The following DSCAML1 variants were observed in gnomAD, a reference collection of about 807,000 sequenced individuals.
DSCAML1 encodes cell adhesion molecule DSCAML1.
Under a neutral mutation model 200.5 loss-of-function variants are expected in DSCAML1, and 38 were observed. The observed-to-expected ratio is 0.19, with a 90% CI of 0.15 to 0.25. The LOEUF is 0.25. Among genes scored for constraint, DSCAML1 ranks in the 10% least tolerant of loss-of-function variants. The pLI, the probability that DSCAML1 is intolerant of heterozygous loss-of-function variation, is 1.00. For synonymous variants in DSCAML1, 1,215 were observed against 1,165.0 expected, an observed-to-expected ratio of 1.04 and a Z score of -0.87; for missense variants, 2,223 against 2,858.8, an observed-to-expected ratio of 0.78 and a Z score of 5.07.
chr11:117,631,456 A>G (rs2052172058), intron 3 of DSCAML1, among the ~76,000 whole-genome samples: 1 of 152,170 alleles, frequency 6.6e-6, no homozygotes, highest in Non-Finnish European at 1.5e-5. Flanking sequence ...GCACACCCCA[A>G]ACAGTCTTCT....
At chr11:117,593,711 G>GTTTT (rs374196105) in intron 3 of DSCAML1, among the ~76,000 whole-genome samples, 1 of 132,342 alleles carries the variant, frequency 7.6e-6, no homozygotes, top group Non-Finnish European at 1.6e-5. Context: ...TATATTTCTT[G>GTTTT]TTTTTTTTTT....
intron 3 of DSCAML1, among the ~76,000 whole-genome samples, chr11:117,763,362 G>A (rs2054840167): frequency 6.6e-6 from 1 of 151,198 alleles, no homozygotes; most frequent in African/African-American, 2.4e-5. Flanking sequence ...GCTGGGGTCC[G>A]GGCAAGGGAG....
chr11:117,625,716 A>G (rs75349886), intron 3 of DSCAML1, among the ~76,000 whole-genome samples: 20,587 of 152,230 alleles, frequency 0.14, 1,784 homozygotes, highest in African/African-American at 0.25. Flanking sequence ...TTGCCCCAAA[A>G]TGCTGTTGGA....
Position 117,437,151 on chromosome 11 carries a change from G to A in DSCAML1, c.4691C>T (p.Ala1564Val), listed in dbSNP as rs1337283733. Residue 1564 changes from alanine to valine, a missense_variant, in exon 26 of 33, where the codon GCC becomes GTC. Ala to Val is a moderately conservative substitution (Grantham distance 64, BLOSUM62 0). Around this residue, in one of 7 missense-constraint regions of DSCAML1, gnomAD observed 614 missense variants for 739.1 expected, o/e 0.83. Coordinates refer to ENST00000651296, the MANE Select transcript of DSCAML1 (RefSeq NM_020693.4). This position sits in a 1 kb window ranked among gnomAD's most constrained non-coding sequence, Gnocchi z 5.3. ...ATCGTAGTCCAGGGTGGCGAACTGG[G>A]CTGTTTCATTGCCGCAGCCCGCACT... ...CNSAGCGNET[A>V]QFATLDYDGS... 1.2e-6 allele frequency: 2 copies of A among 1,613,952 alleles called. No individual in the cohort carries two copies. The highest frequency in any genetic ancestry group is 4.5e-5 in the East Asian group (2 of 44,882).
At chr11:117,806,598 A>C (rs1389551108) in intron 1 of DSCAML1, among the ~76,000 whole-genome samples, 1 of 152,208 alleles carries the variant, frequency 6.6e-6, no homozygotes, top group African/African-American at 2.4e-5. Context: ...TCTCCAAACA[A>C]CCCTATAAGA....
intron 3 of DSCAML1, among the ~76,000 whole-genome samples, chr11:117,665,417 T>C (rs1251503386): frequency 3.9e-5 from 6 of 152,036 alleles, no homozygotes; most frequent in Non-Finnish European, 1.5e-5. Flanking sequence ...GGGCACAGAG[T>C]ACGCGAGCTG....
At chr11:117,596,933 G>A (rs941198370) in intron 3 of DSCAML1, among the ~76,000 whole-genome samples, 2 of 152,184 alleles carry the variant, frequency 1.3e-5, no homozygotes, top group Non-Finnish European at 2.9e-5. Flanking sequence ...GCATTTACAA[G>A]GTTTGTCCGT....
chr11:117,525,583 C>T (rs574314418), intron 4 of DSCAML1, among the ~76,000 whole-genome samples: 4 of 152,042 alleles, frequency 2.6e-5, no homozygotes, highest in African/African-American at 7.2e-5. Context: ...TCTCAGCCTC[C>T]CAAGTAGCTG....
At chr11:117,438,834 G>T in intron 24 of DSCAML1, 51 bp downstream of exon 24, 1 of 1,436,848 alleles carries the variant, frequency 7.0e-7, no homozygotes, top group African/African-American at 1.5e-5. Flanking sequence ...TCCCTGCCCC[G>T]GGCCCAGAAT....
chr11:117,626,664 C>T (rs1047222885), intron 3 of DSCAML1, among the ~76,000 whole-genome samples: 4 of 152,166 alleles, frequency 2.6e-5, no homozygotes, highest in Admixed American at 6.5e-5. Flanking sequence ...CCCAAACAAG[C>T]GCTCTCTATG....
chr11:117,783,789 G>A (rs904506761), intron 1 of DSCAML1, among the ~76,000 whole-genome samples: 8 of 152,082 alleles, frequency 5.3e-5, no homozygotes, highest in African/African-American at 1.7e-4. Context: ...CACAGAATAT[G>A]GTTTTTCAGG....
Position 117,428,011 on chromosome 11 carries a change from AATATATAG to A in DSCAML1, c.*309_*316del, listed in dbSNP as rs778614455. ...CTCTGTCTCAAAATAGGGTGAGAGA[AATATATAG>A]ATATATAGCTCGTGGACGCGTTCCT... On this transcript the variant is annotated 3_prime_UTR_variant, in exon 33 of 33. Coordinates refer to ENST00000651296, the MANE Select transcript of DSCAML1 (RefSeq NM_020693.4). 5.7e-5 allele frequency: 11 copies of A among 191,482 alleles called. No individual in the cohort carries two copies. Among genetic ancestry groups the A allele is most frequent in the South Asian group, 1.5e-4 (1 of 6,860 alleles). 11.9% of individuals were successfully genotyped at this position (191,482 alleles called of 1,614,324 possible). A position where few individuals can be genotyped will look rare whatever the true frequency, so the allele number is the denominator to read the frequency against.
intron 4 of DSCAML1, among the ~76,000 whole-genome samples, chr11:117,532,131 CA>C (rs397767566): frequency 1.0e-4 from 14 of 139,286 alleles, no homozygotes; most frequent in Middle Eastern, 3.8e-3. Flanking sequence ...ACAGGAAAGA[CA>C]AAAAAAAAAG....
At chr11:117,571,679 C>T (rs1263175852) in intron 3 of DSCAML1, among the ~76,000 whole-genome samples, 1 of 151,604 alleles carries the variant, frequency 6.6e-6, no homozygotes, top group Non-Finnish European at 1.5e-5. Flanking sequence ...CCCCCACCTA[C>T]AGGTGTTCTC....
At chr11:117,638,619 G>A (rs187629499) in intron 3 of DSCAML1, among the ~76,000 whole-genome samples, 68 of 152,218 alleles carry the variant, frequency 4.5e-4, no homozygotes, top group Non-Finnish European at 7.2e-4. Context: ...TATATAAAGG[G>A]AATCATACAA....
At chr11:117,502,194 T>A (rs1051961017) in intron 11 of DSCAML1, among the ~76,000 whole-genome samples, 2 of 152,186 alleles carry the variant, frequency 1.3e-5, no homozygotes, top group African/African-American at 4.8e-5. Flanking sequence ...CTGAGGCACG[T>A]GGGGTCCCCT....
intron 1 of DSCAML1, among the ~76,000 whole-genome samples, chr11:117,807,092 C>A (rs553615468): frequency 8.5e-5 from 13 of 152,358 alleles, no homozygotes; most frequent in African/African-American, 2.6e-4. Flanking sequence ...AAGCCACACG[C>A]CAGATTTCAG....
At chr11:117,620,721 G>T (rs1397480445) in intron 3 of DSCAML1, among the ~76,000 whole-genome samples, 1 of 152,226 alleles carries the variant, frequency 6.6e-6, no homozygotes, top group African/African-American at 2.4e-5. Flanking sequence ...TCAAACACAG[G>T]ATGAAGAGTC....
chr11:117,547,301 C>G (rs946551029), intron 3 of DSCAML1, among the ~76,000 whole-genome samples: 1 of 152,192 alleles, frequency 6.6e-6, no homozygotes, highest in African/African-American at 2.4e-5. Context: ...TAATAGAAAT[C>G]ACTGTTATTA....
Sources: allele counts gnomAD v4.1 joint callset (sites outside exome capture counted in the v4.1 genomes callset), GRCh38; gene constraint gnomAD v4.1.1; regional missense constraint gnomAD v4.1.1; non-coding constraint Gnocchi (gnomAD v3.1); transcripts MANE v1.5; gene names NCBI Gene and HGNC (gene_info 2026-07-23, HGNC 2026-07-21).